F8: variants seen among roughly 807,000 people sequenced by gnomAD.
The protein encoded by F8 is antihemophilic factor.
F8 carries 12 observed loss-of-function variants against 140.6 expected under a neutral mutation model. The observed-to-expected ratio is 0.09, with a 90% CI of 0.05 to 0.14. The LOEUF is 0.14. Among genes scored for constraint, F8 ranks in the 10% least tolerant of loss-of-function variants. F8 has a pLI of 1.00. For missense variants in F8, 1,354 were observed against 1,720.7 expected, an observed-to-expected ratio of 0.79 and a Z score of 3.77; for synonymous variants, 585 against 614.6, an observed-to-expected ratio of 0.95 and a Z score of 0.71.
chrX:154,838,393 G>A (rs782395659), intron 25 of F8, among the ~76,000 whole-genome samples: 28 of 111,876 alleles, frequency 2.5e-4, no homozygotes, highest in African/African-American at 8.8e-4. Context: ...TGTAATTCAA[G>A]GCAACTCTGA....
intron 22 of F8, among the ~76,000 whole-genome samples, chrX:154,866,746 GA>G (rs2072733862): frequency 9.3e-6 from 1 of 107,601 alleles, no homozygotes; most frequent in Admixed American, 1.0e-4. Context: ...TTAAAAAGAA[GA>G]AACATATGAA....
At chrX:154,966,257 C>T (rs1458600101) in intron 8 of F8, 116 bp from the exon 9 acceptor site, 1 of 918,747 alleles carries the variant, frequency 1.1e-6, no homozygotes, top group African/African-American at 2.0e-5. Context: ...AAAATACAAG[C>T]TTCTCTGATG....
intron 1 of F8, among the ~76,000 whole-genome samples, chrX:155,013,057 A>G (rs1175769460): frequency 9.6e-6 from 1 of 104,640 alleles, no homozygotes; most frequent in Non-Finnish European, 1.9e-5. Context: ...GAGGCAGGAG[A>G]ATGGCGTGAA....
At chrX:154,993,181 A>G (rs1557284824) in intron 3 of F8, 33 bp from the exon 4 acceptor site, 1 of 1,112,368 alleles carries the variant, frequency 9.0e-7, no homozygotes, top group Non-Finnish European at 1.2e-6. Flanking sequence ...TGTCCTTTCT[A>G]TATCCACTGT....
rs138005347 is a variant in F8, at chrX:154,970,802, T to C, written c.788-1250A>G. Among the ~76,000 whole-genome samples the C allele has an allele frequency of 3.7e-3, 415 of 111,674 alleles. 4 individuals carry two copies. Among genetic ancestry groups the C allele is most frequent in the African/African-American group, 0.013 (390 of 30,752 alleles). ...CAGTCTAGGTCAGATTCCTGTATTA[T>C]AGGCTTACATAGAATTATGTAATTT... On this transcript the variant is annotated intron_variant, in intron 6 of 25. Coordinates refer to ENST00000360256, the MANE Select transcript of F8 (RefSeq NM_000132.4).
In F8 at chrX:154,936,121, GA is replaced by G. The variant is rs782262631; in HGVS notation, c.2114-4446del. Among the ~76,000 whole-genome samples the G allele has an allele frequency of 1.8e-4, 20 of 110,437 alleles. No homozygotes were observed. In the South Asian group the frequency reaches 7.6e-3, roughly 42 times the overall value. On this transcript the variant is annotated intron_variant, in intron 13 of 25. Coordinates refer to ENST00000360256, the MANE Select transcript of F8 (RefSeq NM_000132.4). Reference sequence around the variant, plus strand: ...ATGGGAATTACAACAAACTTATTGTGAAAAACTATGCAAGTAGAAACAATGG... The same window carrying G: ...ATGGGAATTACAACAAACTTATTGTGAAAACTATGCAAGTAGAAACAATGG...
chrX:154,837,507 A>T lies in F8; in HGVS notation c.*90T>A. The T allele has an allele frequency of 2.9e-6, 3 of 1,038,853 alleles. No individual in the cohort carries two copies. The highest frequency in any genetic ancestry group is 4.0e-5 in the South Asian group (2 of 49,634). 85.6% of individuals were successfully genotyped at this position (1,038,853 alleles called of 1,213,427 possible). On this transcript the variant is annotated 3_prime_UTR_variant, in exon 26 of 26. Coordinates refer to ENST00000360256, the MANE Select transcript of F8 (RefSeq NM_000132.4). ...AAGGCAGTGTCTGCTAGGATTTAGC[A>T]CAAAGGTAGAAGGCAAGCCAGGGAG... is the stretch of plus-strand genomic sequence containing the variant.
intron 4 of F8, among the ~76,000 whole-genome samples, chrX:154,988,369 C>T (rs1455447595): frequency 8.9e-6 from 1 of 111,958 alleles, no homozygotes; most frequent in African/African-American, 3.2e-5. Flanking sequence ...CTTTTTAGAA[C>T]ACTTCACAGT....
intron 6 of F8, among the ~76,000 whole-genome samples, chrX:154,977,702 AC>A (rs1242952971): frequency 4.7e-5 from 5 of 107,225 alleles, no homozygotes; most frequent in African/African-American, 1.7e-4. Flanking sequence ...TTTTTCTTTG[AC>A]TTTTGATAGT....
chrX:154,958,656 C>T (rs781900650), intron 10 of F8, among the ~76,000 whole-genome samples: 24 of 112,011 alleles, frequency 2.1e-4, no homozygotes, highest in Admixed American at 1.7e-3. Flanking sequence ...CTCTGTTGCC[C>T]AGGCTGGAGT....
At chrX:155,001,312 C>CTTTTT (rs35281198) in intron 1 of F8, among the ~76,000 whole-genome samples, 8 of 75,955 alleles carry the variant, frequency 1.1e-4, no homozygotes, top group Non-Finnish European at 1.7e-4. Flanking sequence ...TATCGTAAAT[C>CTTTTT]TTTTTTTTTT....
intron 22 of F8, among the ~76,000 whole-genome samples, chrX:154,878,099 A>G (rs1264886405): frequency 8.9e-6 from 1 of 111,743 alleles, no homozygotes; most frequent in East Asian, 2.8e-4. Context: ...AGGCCACCAT[A>G]TCTTGATATC....
At position 154,966,327 on chromosome X, in the gene F8, T is replaced by C. The variant is rs1333476649; in HGVS notation, c.1271+99A>G. The C allele has an allele frequency of 9.3e-6, 10 of 1,076,531 alleles. No individual in the cohort carries two copies. The East Asian group carries it at 3.1e-4, about 33-fold the overall frequency. 88.7% of individuals were successfully genotyped at this position (1,076,531 alleles called of 1,213,427 possible). A position where few individuals can be genotyped will look rare whatever the true frequency, so the allele number is the denominator to read the frequency against. ...TGCCATTTGATTCCATACCTGTACC[T>C]AACCTTAAACATGGCTTCAGGATTT... On this transcript the variant is annotated intron_variant, in intron 8 of 25. Transcript: ENST00000360256.
chrX:154,909,481 T>C (rs1385017932), intron 14 of F8: 2 of 116,656 alleles, frequency 1.7e-5, no homozygotes, highest in African/African-American at 3.2e-5. Context: ...GTAGCCAGTA[T>C]TCTTAATGTA....
chrX:154,852,613 T>C (rs1033845208), intron 25 of F8, among the ~76,000 whole-genome samples: 4 of 111,694 alleles, frequency 3.6e-5, no homozygotes, highest in Non-Finnish European at 7.5e-5. Context: ...TGTAGCTTTG[T>C]AGTAAGTTCT....
chrX:154,953,782 A>G, intron 12 of F8, 110 bp downstream of exon 12: 1 of 924,640 alleles, frequency 1.1e-6, no homozygotes. Context: ...AGGTAACATA[A>G]TTGTTAAATT....
intron 22 of F8, among the ~76,000 whole-genome samples, chrX:154,869,955 A>C (rs1225763025): frequency 1.8e-5 from 2 of 112,393 alleles, no homozygotes; most frequent in Admixed American, 1.9e-4. Context: ...GAAGAAATAG[A>C]TAAATTCCTG....
intron 11 of F8, among the ~76,000 whole-genome samples, chrX:154,956,500 G>A (rs782437426): frequency 5.4e-5 from 6 of 112,123 alleles, no homozygotes; most frequent in South Asian, 3.7e-4. Flanking sequence ...AAATGTCCAC[G>A]AAATCTTCAC....
chrX:154,916,799 A>G (rs1227544548), intron 14 of F8, among the ~76,000 whole-genome samples: 1 of 109,687 alleles, frequency 9.1e-6, no homozygotes, highest in African/African-American at 3.3e-5. Context: ...ATTTATTTCT[A>G]TGATTATTAT....
Sources: allele counts gnomAD v4.1 joint callset (sites outside exome capture counted in the v4.1 genomes callset), GRCh38; gene constraint gnomAD v4.1.1; transcripts MANE v1.5; gene names NCBI Gene and HGNC (gene_info 2026-07-23, HGNC 2026-07-21).